The following QRSL1 variants were observed in gnomAD, a reference collection of about 807,000 sequenced individuals.
The protein encoded by QRSL1 is glutamyl-tRNA(Gln) amidotransferase subunit A, mitochondrial.
QRSL1 carries 54 observed loss-of-function variants against 61.6 expected under a neutral mutation model. That is an observed-to-expected ratio of 0.88 (90% CI 0.70 to 1.10). QRSL1 has a LOEUF of 1.10. Among genes scored for constraint, QRSL1 ranks in the 50% least tolerant of loss-of-function variants. QRSL1 has a pLI of 0.00. For missense variants in QRSL1, 505 were observed against 622.6 expected (o/e 0.81, Z 2.01); for synonymous variants, 228 against 225.7 (o/e 1.01, Z -0.09).
intron 1 of QRSL1, among the ~76,000 whole-genome samples, chr6:106,637,889 GA>G (rs753740984): frequency 4.6e-5 from 7 of 151,954 alleles, no homozygotes; most frequent in Non-Finnish European, 7.4e-5. Flanking sequence ...TTCCCTTATT[GA>G]TTTTTTTTCT....
intron 9 of QRSL1, among the ~76,000 whole-genome samples, chr6:106,661,692 T>C (rs1335687283): frequency 1.6e-3 from 36 of 22,948 alleles, no homozygotes; most frequent in African/African-American, 5.8e-3. Context: ...AGTTCTTTTT[T>C]TTTTTTTTTT....
chr6:106,633,476 G>C (rs1776868833), intron 1 of QRSL1, among the ~76,000 whole-genome samples: 1 of 152,184 alleles, frequency 6.6e-6, no homozygotes, highest in South Asian at 2.1e-4. Flanking sequence ...GGGAATTAGG[G>C]AGAAGGGCTG....
chr6:106,652,947 T>C (rs1203365482), intron 7 of QRSL1: 1 of 528,264 alleles, frequency 1.9e-6, no homozygotes, highest in Non-Finnish European at 3.2e-6. Context: ...AATGAAAAAG[T>C]GTGTCTCTGT....
chr6:106,654,695 AG>A (rs747194786), intron 7 of QRSL1, 34 bp from the exon 8 acceptor site: 1 of 1,547,290 alleles, frequency 6.5e-7, no homozygotes, highest in Non-Finnish European at 8.8e-7. Context: ...TAATCTATAC[AG>A]TTCCAATTTT....
Position 106,662,986 on chromosome 6 carries a change from T to G in QRSL1, c.1167T>G (p.Tyr389Ter). Residue 389 changes from tyrosine to a stop codon, truncating the protein, a stop_gained, in exon 10 of 11, where the codon TAT becomes TAG. Coordinates refer to ENST00000369046, the MANE Select transcript of QRSL1 (RefSeq NM_018292.5). LOFTEE classifies it high-confidence loss of function. ...SGNFFLLKEN[Y>*]ENYFVKAQKV... is the part of the protein sequence containing the mutation. ...ACCTACTTTTTTCCCACAGAAACTATGAAAATTATTTTGTCAAAGCACAGA... is the reference window on the plus strand; with the variant it reads ...ACCTACTTTTTTCCCACAGAAACTAGGAAAATTATTTTGTCAAAGCACAGA... 6.2e-7 allele frequency: 1 copy of G among 1,605,532 alleles called. No homozygotes were observed. The highest frequency in any genetic ancestry group is 8.5e-7 in the Non-Finnish European group (1 of 1,172,350).
intron 7 of QRSL1, among the ~76,000 whole-genome samples, chr6:106,654,147 C>A (rs11968474): frequency 6.6e-6 from 1 of 151,836 alleles, no homozygotes; most frequent in Non-Finnish European, 1.5e-5. Flanking sequence ...GTCAGGAGAT[C>A]GAGACCATCC....
At chr6:106,662,035 C>T (rs1166773935) in intron 9 of QRSL1, among the ~76,000 whole-genome samples, 1 of 152,138 alleles carries the variant, frequency 6.6e-6, no homozygotes, top group Non-Finnish European at 1.5e-5. Flanking sequence ...CTAGCCTCTC[C>T]TAACAGCTTC....
intron 7 of QRSL1, among the ~76,000 whole-genome samples, chr6:106,654,384 C>G (rs141269675): frequency 6.6e-6 from 1 of 151,940 alleles, no homozygotes; most frequent in Non-Finnish European, 1.5e-5. Flanking sequence ...TAACAGGGTA[C>G]CTGATACATG....
chr6:106,639,115 TG>T (rs1432028979), intron 1 of QRSL1, among the ~76,000 whole-genome samples: 19 of 70,406 alleles, frequency 2.7e-4, no homozygotes, highest in African/African-American at 1.1e-3. Flanking sequence ...TTGTGTGTTT[TG>T]TTGTTTTTTT....
chr6:106,629,767 CAA>C (rs1053738294), intron 1 of QRSL1, 62 bp downstream of exon 1: 62 of 1,563,162 alleles, frequency 4.0e-5, no homozygotes, highest in Admixed American at 3.6e-4. Context: ...ACTTCGTTGA[CAA>C]AGAGTCCCTG....
At chr6:106,652,990 G>T in intron 7 of QRSL1, 1 of 393,090 alleles carries the variant, frequency 2.5e-6, no homozygotes, top group Non-Finnish European at 4.4e-6. Context: ...AAACCAGCTG[G>T]CTTGTCACAT....
At chr6:106,659,320 C>T (rs1219680745) in intron 9 of QRSL1, among the ~76,000 whole-genome samples, 1 of 151,994 alleles carries the variant, frequency 6.6e-6, no homozygotes, top group Non-Finnish European at 1.5e-5. Flanking sequence ...CAAAAATTAG[C>T]TGGGTGGGAA....
At chr6:106,643,333 A>G (rs1483772716) in intron 4 of QRSL1, among the ~76,000 whole-genome samples, 1 of 152,200 alleles carries the variant, frequency 6.6e-6, no homozygotes, top group Non-Finnish European at 1.5e-5. Context: ...TGTCTTCATC[A>G]GTGAAGTAGC....
chr6:106,639,133 T>G (rs201614923), intron 1 of QRSL1, among the ~76,000 whole-genome samples: 9 of 115,288 alleles, frequency 7.8e-5, no homozygotes, highest in Non-Finnish European at 1.2e-4. Context: ...TTTTTTTTTT[T>G]TTTTTTTTTT....
In QRSL1 at chr6:106,655,662, A is replaced by G. The variant is rs143151340; in HGVS notation, c.1090A>G (p.Thr364Ala). ...DVSTEAMYAA[T>A]RREGFNDVVR... ...GTCCACTGAAGCCATGTATGCTGCA[A>G]CCAGACGAGAAGGGTTTAATGATGT... The change falls in exon 9 of 11, where the codon ACC becomes GCC. Residue 364 changes from threonine to alanine, a missense_variant. By Grantham distance (58) the Thr-to-Ala change is moderately conservative. Coordinates refer to ENST00000369046, the MANE Select transcript of QRSL1 (RefSeq NM_018292.5). 1.3e-3 allele frequency: 2,175 copies of G among 1,613,650 alleles called. No individual in the cohort carries two copies. The highest frequency in any genetic ancestry group is 1.7e-3 in the Non-Finnish European group (1,954 of 1,179,766).
rs1777426702 is a variant in QRSL1, at chr6:106,665,923, T to C, written c.1508T>C (p.Ile503Thr). Residue 503 changes from isoleucine (I) to threonine (T), a missense_variant, in exon 11 of 11, where the codon ATT becomes ACT. Ile to Thr is a moderately conservative substitution (Grantham distance 89, BLOSUM62 -1). Transcript: ENST00000369046. ...WFEKQVQFPV[I>T]QLQELMDDCS... ...GAAAAACAAGTACAGTTTCCTGTTA[T>C]TCAACTTCAAGAACTCATGGATGAT... 2.5e-6 allele frequency: 4 copies of C among 1,613,906 alleles called. No individual in the cohort carries two copies. Among genetic ancestry groups the C allele is most frequent in the African/African-American group, 2.7e-5 (2 of 74,924 alleles).
At chr6:106,660,333 C>T (rs60880234) in intron 9 of QRSL1, among the ~76,000 whole-genome samples, 1 of 151,384 alleles carries the variant, frequency 6.6e-6, no homozygotes, top group Non-Finnish European at 1.5e-5. Context: ...ACTCCCCACC[C>T]CCCCCGTGAA....
chr6:106,634,770 A>T (rs1260259789), intron 1 of QRSL1, among the ~76,000 whole-genome samples: 5 of 152,150 alleles, frequency 3.3e-5, no homozygotes, highest in African/African-American at 1.2e-4. Flanking sequence ...TGTCTCAAAA[A>T]AAAAAAGCAA....
At chr6:106,650,863 T>C (rs577227284) in intron 5 of QRSL1, among the ~76,000 whole-genome samples, 2 of 152,316 alleles carry the variant, frequency 1.3e-5, no homozygotes, top group Non-Finnish European at 2.9e-5. Context: ...CATCATATAG[T>C]TATATAATAT....
Sources: gnomAD v4.1 joint callset for allele counts (sites outside exome capture counted in the v4.1 genomes callset) on GRCh38, gnomAD v4.1.1 for gene constraint, MANE v1.5 for transcripts, NCBI Gene and HGNC (gene_info 2026-07-23, HGNC 2026-07-21) for gene names.